The following FGF13 variants were observed in gnomAD, a reference collection of about 807,000 sequenced individuals.
The protein encoded by FGF13 is fibroblast growth factor 13.
Under a neutral mutation model 19.5 loss-of-function variants are expected in FGF13, and 2 were observed. The observed-to-expected ratio is 0.10, with a 90% CI of 0.04 to 0.32. The LOEUF is 0.32. Among genes scored for constraint, FGF13 ranks in the 10% least tolerant of loss-of-function variants. The pLI is 1.00. For synonymous variants in FGF13, 72 were observed against 76.9 expected, an observed-to-expected ratio of 0.94 and a Z score of 0.33; for missense variants, 113 against 192.7, an observed-to-expected ratio of 0.59 and a Z score of 2.45.
intron 1 of FGF13, among the ~76,000 whole-genome samples, chrX:139,036,496 T>TA (rs1393583036): frequency 9.0e-6 from 1 of 111,365 alleles, no homozygotes; most frequent in African/African-American, 3.3e-5. Flanking sequence ...GTCAATTAGT[T>TA]AAAAAATAGA....
chrX:138,647,722 CA>C (rs1270844917), intron 3 of FGF13, among the ~76,000 whole-genome samples: 2 of 111,677 alleles, frequency 1.8e-5, no homozygotes, highest in Admixed American at 1.9e-4. Context: ...TTTAAATTTT[CA>C]AATATTTGTT....
chrX:139,048,104 C>T (rs1428862980), intron 1 of FGF13, among the ~76,000 whole-genome samples: 1 of 111,010 alleles, frequency 9.0e-6, no homozygotes, highest in Non-Finnish European at 1.9e-5. Flanking sequence ...TATTTTTATA[C>T]CGTTTTCTAA....
At chrX:138,887,756 C>T (rs1263441765) in intron 1 of FGF13, among the ~76,000 whole-genome samples, 2 of 111,979 alleles carry the variant, frequency 1.8e-5, no homozygotes, top group East Asian at 5.6e-4. Flanking sequence ...AGTTACCCTG[C>T]CTCCCTGTCA....
intron 1 of FGF13, among the ~76,000 whole-genome samples, chrX:138,950,751 A>G (rs1314075297): frequency 9.0e-6 from 1 of 111,658 alleles, no homozygotes; most frequent in African/African-American, 3.3e-5. Context: ...AGTTATTAGT[A>G]TTACTCAAAA....
chrX:138,781,110 G>A (rs2090638055), intron 3 of FGF13, among the ~76,000 whole-genome samples: 1 of 111,104 alleles, frequency 9.0e-6, no homozygotes, highest in Non-Finnish European at 1.9e-5. Flanking sequence ...GATGTTCTTT[G>A]AAACCAATGA....
At chrX:139,037,993 C>T (rs1163258529) in intron 1 of FGF13, among the ~76,000 whole-genome samples, 1 of 111,458 alleles carries the variant, frequency 9.0e-6, no homozygotes, top group Non-Finnish European at 1.9e-5. Context: ...CTCCCTTTTC[C>T]CTCTGGCTTC....
intron 1 of FGF13, among the ~76,000 whole-genome samples, chrX:138,728,107 T>A (rs767039993): frequency 1.9e-4 from 21 of 111,654 alleles, no homozygotes; most frequent in Non-Finnish European, 3.8e-4. Flanking sequence ...TTATATTAGA[T>A]CAAAGCCTTT....
chrX:138,809,368 A>T (rs1230925895), intron 3 of FGF13, among the ~76,000 whole-genome samples: 2 of 112,123 alleles, frequency 1.8e-5, no homozygotes, highest in Non-Finnish European at 3.8e-5. Context: ...CAATAGATGC[A>T]GAAAAGGCCT....
At chrX:138,732,685 T>C (rs991522136) in intron 1 of FGF13, among the ~76,000 whole-genome samples, 3 of 111,273 alleles carry the variant, frequency 2.7e-5, no homozygotes, top group South Asian at 3.8e-4. Context: ...AGTATGTGTA[T>C]TTTGAAAAAC....
At chrX:139,002,342 T>TA (rs1365859917) in intron 1 of FGF13, among the ~76,000 whole-genome samples, 1 of 111,170 alleles carries the variant, frequency 9.0e-6, no homozygotes, top group Non-Finnish European at 1.9e-5. Context: ...AGTATAATTT[T>TA]AAAAAAAAGA....
intron 1 of FGF13, among the ~76,000 whole-genome samples, chrX:138,938,118 T>A (rs1349863823): frequency 9.0e-6 from 1 of 111,328 alleles, no homozygotes; most frequent in African/African-American, 3.3e-5. Context: ...ATAGTGTAGT[T>A]CAGAATAGAA....
intron 1 of FGF13, among the ~76,000 whole-genome samples, chrX:139,100,515 T>C (rs1487786937): frequency 9.2e-6 from 1 of 108,799 alleles, no homozygotes; most frequent in Non-Finnish European, 1.9e-5. Context: ...CAAAAGATGA[T>C]CAACTCAGGG....
chrX:138,782,157 T>A (rs1182871857), intron 3 of FGF13, among the ~76,000 whole-genome samples: 5 of 111,877 alleles, frequency 4.5e-5, no homozygotes, highest in Non-Finnish European at 9.4e-5. Flanking sequence ...TGGGACATAT[T>A]TGAAAATAAT....
intron 1 of FGF13, among the ~76,000 whole-genome samples, chrX:139,157,614 C>T (rs937879883): frequency 1.8e-5 from 2 of 112,688 alleles, no homozygotes; most frequent in Non-Finnish European, 3.7e-5. Flanking sequence ...ACTTCCCAGC[C>T]TCCAGAACCA....
rs1016280276 is a variant in FGF13 at position 139,042,466 on chromosome X, A to G, written c.-113+160950T>C. Among the ~76,000 whole-genome samples, 5 of 112,118 alleles carry G rather than the reference A, an allele frequency of 4.5e-5. 1 individual carries two copies. The Admixed American group carries it at 4.7e-4, about 11-fold the overall frequency. On this transcript the variant is annotated intron_variant, in intron 1 of 2. Coordinates refer to the FGF13 transcript ENST00000421460. Reference sequence around the variant, plus strand: ...ATGCCTGCACTCAGTTTAGGGACAGATTCATGTTTTACATGATGATGGTAA... The same window carrying G: ...ATGCCTGCACTCAGTTTAGGGACAGGTTCATGTTTTACATGATGATGGTAA...
At chrX:138,814,669 T>C (rs1028761795) in intron 3 of FGF13, among the ~76,000 whole-genome samples, 12 of 111,421 alleles carry the variant, frequency 1.1e-4, no homozygotes, top group African/African-American at 3.6e-4. Flanking sequence ...TGATACCTCT[T>C]AGAATGACTA....
intron 1 of FGF13, among the ~76,000 whole-genome samples, chrX:139,137,442 T>C (rs1603217035): frequency 2.7e-5 from 3 of 111,814 alleles, no homozygotes; most frequent in African/African-American, 9.8e-5. Flanking sequence ...CTTGATTCCA[T>C]CCACTCTCCA....
chrX:139,193,574 G>A (rs1210815011), intron 1 of FGF13, among the ~76,000 whole-genome samples: 8 of 111,395 alleles, frequency 7.2e-5, no homozygotes, highest in South Asian at 3.8e-4. Flanking sequence ...AGCAGTCAGT[G>A]CCTGCTGGGA....
At chrX:138,686,650 T>A (rs1484620268) in intron 3 of FGF13, among the ~76,000 whole-genome samples, 7 of 111,921 alleles carry the variant, frequency 6.3e-5, no homozygotes, top group Non-Finnish European at 1.3e-4. Flanking sequence ...CTTGGTAGAA[T>A]TTCTTGTATT....
Sources: allele counts gnomAD v4.1 joint callset (sites outside exome capture counted in the v4.1 genomes callset), GRCh38; gene constraint gnomAD v4.1.1; transcripts MANE v1.5; gene names NCBI Gene and HGNC (gene_info 2026-07-23, HGNC 2026-07-21).